BORCS5: variants seen among roughly 807,000 people sequenced by gnomAD.
BORCS5 encodes BLOC-1-related complex subunit 5.
BORCS5 carries 17 observed loss-of-function variants against 22.1 expected under a neutral mutation model. That is an observed-to-expected ratio of 0.77 (90% CI 0.53 to 1.15). BORCS5 has a LOEUF of 1.15. BORCS5 is among the 50% of genes most tolerant of loss of function. BORCS5 has a pLI of 0.00. For synonymous variants in BORCS5, 117 were observed against 99.8 expected (o/e 1.17, Z -1.03); for missense variants, 247 against 253.2 (o/e 0.98, Z 0.17).
At chr12:12,441,059 G>A (rs1174705542) in intron 3 of BORCS5, among the ~76,000 whole-genome samples, 1 of 152,160 alleles carries the variant, frequency 6.6e-6, no homozygotes, top group Non-Finnish European at 1.5e-5. Context: ...CCCTGAGGAG[G>A]CAAGAGTTGG....
At position 12,445,997 on chromosome 12, in the gene BORCS5, T is replaced by C. The variant is rs534641666; in HGVS notation, c.360+10212T>C. 7.9e-5 allele frequency among the ~76,000 whole-genome samples: 12 copies of C among 152,214 alleles called. No homozygotes were observed. The South Asian group carries it at 2.3e-3, about 29-fold the overall frequency. On this transcript the variant is annotated intron_variant, in intron 3 of 3. Transcript: ENST00000314565. ...TCACAGTATGTGAATCTCATAAGAG[T>C]TCCATCTCCCTGCCTGCAGCTTTTT...
intron 3 of BORCS5, 45 bp from the exon 4 acceptor site, chr12:12,465,501 A>G: frequency 6.4e-7 from 1 of 1,554,872 alleles, no homozygotes; most frequent in Non-Finnish European, 8.8e-7. Flanking sequence ...TGCGGAGAGG[A>G]CTTGATTAAA....
At chr12:12,428,249 C>A (rs899577538) in intron 2 of BORCS5, among the ~76,000 whole-genome samples, 1 of 152,206 alleles carries the variant, frequency 6.6e-6, no homozygotes, top group Non-Finnish European at 1.5e-5. Flanking sequence ...GGTTTCCCCC[C>A]ACCTGACATC....
At chr12:12,462,437 A>G (rs746040111) in intron 3 of BORCS5, among the ~76,000 whole-genome samples, 2 of 152,160 alleles carry the variant, frequency 1.3e-5, no homozygotes, top group African/African-American at 2.4e-5. Context: ...CTTCTGGGTA[A>G]TTTTCTAAAA....
At chr12:12,437,958 A>T (rs1342819987) in intron 3 of BORCS5, among the ~76,000 whole-genome samples, 1 of 151,972 alleles carries the variant, frequency 6.6e-6, no homozygotes, top group African/African-American at 2.4e-5. Flanking sequence ...CAAACTCCTC[A>T]GCTCAAGCGA....
chr12:12,422,475 G>A (rs1225093565), intron 2 of BORCS5, among the ~76,000 whole-genome samples: 2 of 152,010 alleles, frequency 1.3e-5, no homozygotes, highest in East Asian at 1.9e-4. Context: ...TTAGCCAGGC[G>A]TGGTGGCACA....
At chr12:12,414,240 G>A (rs1414614578) in intron 2 of BORCS5, among the ~76,000 whole-genome samples, 1 of 77,052 alleles carries the variant, frequency 1.3e-5, no homozygotes, top group Non-Finnish European at 2.8e-5. Flanking sequence ...GGACGGGGCG[G>A]CTGGCCGGGC....
intron 1 of BORCS5, among the ~76,000 whole-genome samples, chr12:12,358,583 G>A (rs76413444): frequency 0.055 from 8,438 of 152,280 alleles, 340 homozygotes; most frequent in East Asian, 0.17. Flanking sequence ...AGGGGGAAGC[G>A]GTGTGGCATC....
intron 2 of BORCS5, among the ~76,000 whole-genome samples, chr12:12,423,753 A>G (rs566646372): frequency 3.5e-4 from 54 of 152,116 alleles, no homozygotes; most frequent in African/African-American, 1.2e-3. Flanking sequence ...CAGTAGTGCA[A>G]TCTCAGCTCA....
chr12:12,434,870 G>T (rs111822162), intron 2 of BORCS5, among the ~76,000 whole-genome samples: 1,885 of 152,292 alleles, frequency 0.012, 29 homozygotes, highest in South Asian at 0.028. Flanking sequence ...GAGAACTGTT[G>T]ATTTGGCAGA....
intron 2 of BORCS5, among the ~76,000 whole-genome samples, chr12:12,392,113 T>C (rs1158115805): frequency 1.3e-5 from 2 of 150,248 alleles, no homozygotes; most frequent in Non-Finnish European, 3.0e-5. Context: ...ACGATCATAA[T>C]TGTTTAAGTT....
At chr12:12,418,274 G>A (rs1316924208) in intron 2 of BORCS5, among the ~76,000 whole-genome samples, 3 of 150,646 alleles carry the variant, frequency 2.0e-5, no homozygotes, top group East Asian at 1.9e-4. Context: ...TCCTGACCTC[G>A]TGATCTGCCC....
Position 12,361,266 on chromosome 12 carries a change from G to A in BORCS5, c.119G>A (p.Gly40Asp). 6.2e-7 allele frequency: 1 copy of A among 1,614,084 alleles called. No individual in the cohort carries two copies. Among genetic ancestry groups the A allele is most frequent in the Non-Finnish European group, 8.5e-7 (1 of 1,180,010 alleles). The change falls in exon 2 of 4, where the codon GGC becomes GAC. Residue 40 changes from glycine to aspartate, a missense_variant. Physicochemically the swap from Gly to Asp is moderately conservative, Grantham distance 94. Transcript: ENST00000314565. The stretch of plus-strand genomic sequence containing the variant: ...GATGATATTGTGGTTGTAGCTCAGG[G>A]CTCCCAGGCCTCACGGAACGTCAGC... ...KMDDIVVVAQGSQASRNVSND... is the reference protein window; with the variant it reads ...KMDDIVVVAQDSQASRNVSND...
intron 2 of BORCS5, among the ~76,000 whole-genome samples, chr12:12,370,943 A>T (rs964031554): frequency 6.6e-6 from 1 of 151,914 alleles, no homozygotes; most frequent in African/African-American, 2.4e-5. Context: ...CAGAGACGGG[A>T]TTTCACTGTG....
At chr12:12,450,528 G>A (rs984440182) in intron 3 of BORCS5, among the ~76,000 whole-genome samples, 1 of 152,132 alleles carries the variant, frequency 6.6e-6, no homozygotes, top group Non-Finnish European at 1.5e-5. Flanking sequence ...TATTAGAAAA[G>A]TAAACACCAA....
At chr12:12,449,706 A>G (rs927206337) in intron 3 of BORCS5, among the ~76,000 whole-genome samples, 3 of 152,228 alleles carry the variant, frequency 2.0e-5, no homozygotes, top group African/African-American at 7.2e-5. Context: ...AAACAGGGTG[A>G]CTTCAAAATG....
intron 2 of BORCS5, among the ~76,000 whole-genome samples, chr12:12,415,327 A>G (rs1324408786): frequency 2.0e-5 from 3 of 149,314 alleles, no homozygotes; most frequent in African/African-American, 7.4e-5. Flanking sequence ...CTGGCGGATC[A>G]CTCGCGGTTA....
intron 2 of BORCS5, among the ~76,000 whole-genome samples, chr12:12,366,010 G>A (rs922197575): frequency 1.3e-5 from 2 of 152,150 alleles, no homozygotes; most frequent in African/African-American, 4.8e-5. Flanking sequence ...CTTTGACGTT[G>A]TTCTGCCTGA....
chr12:12,400,080 C>T (rs1017784434), intron 2 of BORCS5, among the ~76,000 whole-genome samples: 1 of 152,192 alleles, frequency 6.6e-6, no homozygotes, highest in Non-Finnish European at 1.5e-5. Context: ...TACTTAGAAC[C>T]TTGGCTTCGC....
Sources: allele counts gnomAD v4.1 joint callset (sites outside exome capture counted in the v4.1 genomes callset), GRCh38; gene constraint gnomAD v4.1.1; transcripts MANE v1.5; gene names NCBI Gene and HGNC (gene_info 2026-07-23, HGNC 2026-07-21).